MED12L: variants seen among roughly 807,000 people sequenced by gnomAD.
MED12L encodes the protein mediator of RNA polymerase II transcription subunit 12-like protein.
A neutral mutation model predicts 281.3 loss-of-function variants in MED12L; 60 were observed. That is an observed-to-expected ratio of 0.21 (90% CI 0.17 to 0.26). The LOEUF (loss-of-function observed/expected upper bound fraction) is 0.26. Ranked by LOEUF, MED12L falls within the 10% of genes least tolerant of loss-of-function variation. The pLI is 1.00. For synonymous variants in MED12L, 974 were observed against 987.2 expected, an observed-to-expected ratio of 0.99 and a Z score of 0.25; for missense variants, 2,146 against 2,680.9, an observed-to-expected ratio of 0.80 and a Z score of 4.41.
intron 21 of MED12L, among the ~76,000 whole-genome samples, chr3:151,361,408 G>A (rs115697334): frequency 0.012 from 1,660 of 141,270 alleles, 8 homozygotes; most frequent in Non-Finnish European, 0.019. Context: ...CTTGATAAAT[G>A]CTATCTAATG....
chr3:151,307,909 C>T (rs951873185), intron 16 of MED12L, among the ~76,000 whole-genome samples: 2 of 152,070 alleles, frequency 1.3e-5, no homozygotes, highest in Non-Finnish European at 2.9e-5. Flanking sequence ...TATCCTAGAC[C>T]TGGATTCAGT....
At chr3:151,414,456 C>A (rs537620482) in intron 42 of MED12L, among the ~76,000 whole-genome samples, 27 of 152,192 alleles carry the variant, frequency 1.8e-4, no homozygotes, top group Non-Finnish European at 3.7e-4. Context: ...CAGAAAGGGA[C>A]ACAAAGGAGC....
intron 16 of MED12L, among the ~76,000 whole-genome samples, chr3:151,276,231 A>T (rs1741831665): frequency 6.6e-6 from 1 of 152,166 alleles, no homozygotes; most frequent in African/African-American, 2.4e-5. Flanking sequence ...ATTGTTTCTG[A>T]TTCTGTAGGT....
intron 4 of MED12L, among the ~76,000 whole-genome samples, chr3:151,123,193 C>G (rs1714020511): frequency 6.6e-6 from 1 of 152,096 alleles, no homozygotes; most frequent in South Asian, 2.1e-4. Flanking sequence ...TTCTGCATAT[C>G]AAGCTGTTTA....
intron 16 of MED12L, among the ~76,000 whole-genome samples, chr3:151,241,612 ATATG>A (rs2149382700): frequency 1.3e-5 from 2 of 152,282 alleles, no homozygotes; most frequent in South Asian, 4.1e-4. Context: ...TGGGTTATAT[ATATG>A]TGTGTGTGTA....
intron 39 of MED12L, among the ~76,000 whole-genome samples, chr3:151,402,001 A>G (rs1374326454): frequency 6.6e-6 from 1 of 152,194 alleles, no homozygotes; most frequent in Admixed American, 6.5e-5. Flanking sequence ...AGAAGATTGG[A>G]TGGAGGGGTG....
chr3:151,388,200 G>C, intron 37 of MED12L, 28 bp downstream of exon 37: 1 of 1,563,666 alleles, frequency 6.4e-7, no homozygotes, highest in Non-Finnish European at 8.6e-7. Context: ...GGAGAACCTT[G>C]GCTCATTAGC....
At chr3:151,171,717 C>T (rs1336279126) in intron 11 of MED12L, among the ~76,000 whole-genome samples, 1 of 152,206 alleles carries the variant, frequency 6.6e-6, no homozygotes, top group Non-Finnish European at 1.5e-5. Context: ...AATGTGCTTT[C>T]CTCACCTGTG....
chr3:151,291,245 T>A (rs2149673047), intron 16 of MED12L, among the ~76,000 whole-genome samples: 1 of 152,206 alleles, frequency 6.6e-6, no homozygotes, highest in South Asian at 2.1e-4. Flanking sequence ...CTGTATTTAT[T>A]CTCGTTTGCA....
chr3:151,424,541 C>T (rs904373109), intron 43 of MED12L, among the ~76,000 whole-genome samples: 6 of 151,988 alleles, frequency 3.9e-5, no homozygotes, highest in African/African-American at 7.3e-5. Flanking sequence ...ATGGCGTGAA[C>T]CCCCGGGAGG....
intron 16 of MED12L, among the ~76,000 whole-genome samples, chr3:151,322,087 A>G (rs987700404): frequency 7.2e-5 from 11 of 152,174 alleles, no homozygotes; most frequent in African/African-American, 2.7e-4. Context: ...TTTCACATGG[A>G]ACATGTTCAC....
intron 16 of MED12L, among the ~76,000 whole-genome samples, chr3:151,341,182 G>C (rs1479160607): frequency 1.3e-5 from 2 of 152,086 alleles, no homozygotes; most frequent in Non-Finnish European, 2.9e-5. Context: ...ATGCGTGCTG[G>C]CTAGGGATGT....
chr3:151,131,798 A>G (rs2148820259), intron 5 of MED12L, among the ~76,000 whole-genome samples: 1 of 152,168 alleles, frequency 6.6e-6, no homozygotes, highest in South Asian at 2.1e-4. Flanking sequence ...GACTTGTTGG[A>G]TTCATTAGTT....
intron 2 of MED12L, among the ~76,000 whole-genome samples, chr3:151,093,056 T>C (rs752604631): frequency 6.6e-6 from 1 of 152,166 alleles, no homozygotes; most frequent in Admixed American, 6.6e-5. Context: ...AATGGACATA[T>C]ATACTTTGGG....
At chr3:151,416,200 ATT>A in intron 42 of MED12L, 110 bp from the exon 43 acceptor site, 2 of 1,571,660 alleles carry the variant, frequency 1.3e-6, no homozygotes, top group South Asian at 2.3e-5. Context: ...GCAGGTATAT[ATT>A]GTTTTTACTA....
chr3:151,212,176 ATTAC>A (rs1319932388), intron 16 of MED12L: 5 of 152,246 alleles, frequency 3.3e-5, no homozygotes, highest in African/African-American at 1.2e-4. Context: ...AGATACAAAC[ATTAC>A]TTATAAAAAT....
intron 2 of MED12L, among the ~76,000 whole-genome samples, chr3:151,108,612 C>T (rs1211757481): frequency 2.6e-5 from 4 of 152,198 alleles, no homozygotes; most frequent in Admixed American, 6.5e-5. Flanking sequence ...TCTTGACTAG[C>T]GCATAGAGGG....
At chr3:151,328,282 A>G (rs1423734684) in intron 16 of MED12L, 1 of 1,613,922 alleles carries the variant, frequency 6.2e-7, no homozygotes, top group East Asian at 2.2e-5. Flanking sequence ...CCACGACAAC[A>G]AATACTTTGC....
In MED12L at chr3:151,434,890, A is replaced by G. The variant is rs1392125877; in HGVS notation, c.*2086A>G. ...ATTTTGCACATGAAAGCTGTGGGGCATATCTTTTTTCTTTTTTTAGGTGAG... is the reference window on the plus strand; with the variant it reads ...ATTTTGCACATGAAAGCTGTGGGGCGTATCTTTTTTCTTTTTTTAGGTGAG... On this transcript the variant is annotated 3_prime_UTR_variant, in exon 45 of 45. Transcript: ENST00000687756. 2 of 152,182 alleles carry G rather than the reference A, an allele frequency of 1.3e-5. No homozygotes were observed. The highest frequency in any genetic ancestry group is 4.8e-5 in the African/African-American group (2 of 41,458). 9.4% of individuals were successfully genotyped at this position (152,182 alleles called of 1,614,324 possible).
Sources: allele counts gnomAD v4.1 joint callset (sites outside exome capture counted in the v4.1 genomes callset), GRCh38; gene constraint gnomAD v4.1.1; transcripts MANE v1.5; gene names NCBI Gene and HGNC (gene_info 2026-07-23, HGNC 2026-07-21).